The following MAN2B2 variants were observed in gnomAD, a reference collection of about 807,000 sequenced individuals.
The protein encoded by MAN2B2 is epididymis-specific alpha-mannosidase.
Under a neutral mutation model 117.1 loss-of-function variants are expected in MAN2B2, and 106 were observed. That is an observed-to-expected ratio of 0.90 (90% CI 0.77 to 1.06). The LOEUF is 1.06. Among genes scored for constraint, MAN2B2 ranks in the 50% least tolerant of loss-of-function variants. The probability of loss-of-function intolerance (pLI) is 0.00; values close to 1 mark genes in which losing one functional copy is unlikely to be tolerated. For synonymous variants in MAN2B2, 544 were observed against 595.1 expected (o/e 0.91, Z 1.25); for missense variants, 1,326 against 1,381.4 (o/e 0.96, Z 0.64).
In MAN2B2 at chr4:6,582,942, A is replaced by G. The variant is rs138665863; in HGVS notation, c.392-4054A>G. On this transcript the variant is annotated intron_variant, in intron 3 of 18. Transcript: ENST00000285599. Reference sequence around the variant, plus strand: ...GGTTCAGCAGCTTGAACAGAGACCAAGTGACTCCAACAAGAAGGAAGGTGT... The same window carrying G: ...GGTTCAGCAGCTTGAACAGAGACCAGGTGACTCCAACAAGAAGGAAGGTGT... 4.5e-3 allele frequency among the ~76,000 whole-genome samples: 693 copies of G among 152,326 alleles called. 1 individual carries two copies. Among genetic ancestry groups the G allele is most frequent in the Admixed American group, 6.4e-3 (98 of 15,294 alleles).
At chr4:6,576,796 C>A in intron 2 of MAN2B2, 72 bp downstream of exon 2, 1 of 1,567,564 alleles carries the variant, frequency 6.4e-7, no homozygotes, top group South Asian at 1.1e-5. Flanking sequence ...CTCAATGGGG[C>A]AGTTCTAGCC....
At position 6,605,262 on chromosome 4, in the gene MAN2B2, G is replaced by A. The variant is rs1306754474; in HGVS notation, c.1747G>A (p.Val583Met). The A allele has an allele frequency of 1.2e-6, 2 of 1,614,226 alleles. No homozygotes were observed. Among genetic ancestry groups the A allele is most frequent in the South Asian group, 2.2e-5 (2 of 91,092 alleles). ...CCATGCGGGCAGGTACTTGGTGCCT[G>A]TGGCAAACGACTGCTACATTGTGCT... ...TSHAGRYLVP[V>M]ANDCYIVLLD... Residue 583 changes from valine (V) to methionine (M), a missense_variant, in exon 11 of 19, where the codon GTG (valine) becomes ATG (methionine). Transcript: ENST00000285599.
At chr4:6,579,358 CCAT>C (rs1726317852) in intron 3 of MAN2B2, among the ~76,000 whole-genome samples, 8 of 89,642 alleles carry the variant, frequency 8.9e-5, no homozygotes, top group Admixed American at 2.3e-4. Context: ...ATCACCACCA[CCAT>C]CACCATCACC....
At chr4:6,594,006 C>A (rs111858523) in intron 6 of MAN2B2, among the ~76,000 whole-genome samples, 1 of 152,158 alleles carries the variant, frequency 6.6e-6, no homozygotes, top group Non-Finnish European at 1.5e-5. Context: ...CTTCTTCATC[C>A]GTGACTGCCC....
chr4:6,593,341 C>T lies in MAN2B2; in HGVS notation c.849C>T (p.Leu283=), dbSNP rs1726932262. 3 of 1,612,272 alleles carry T rather than the reference C, an allele frequency of 1.9e-6. No individual in the cohort carries two copies. The highest frequency in any genetic ancestry group is 1.7e-5 in the Admixed American group (1 of 59,800). Residue 283 remains leucine (L), a synonymous_variant, in exon 6 of 19, where the codon CTC becomes CTT. Transcript: ENST00000285599. ...CCTGGTTCCGGACACCGCACGTCCT[C>T]TGGCCCTGGGTAAGGCAGAGTCCCA... ...RAAWFRTPHV[L]WPWGCDKQFF... is the part of the protein sequence containing the mutation.
In MAN2B2 at chr4:6,618,599, G is replaced by A. The variant is rs377334378; in HGVS notation, c.2814+1107G>A. On this transcript the variant is annotated intron_variant, in intron 17 of 18. Coordinates refer to ENST00000285599, the MANE Select transcript of MAN2B2 (RefSeq NM_015274.3). The stretch of plus-strand genomic sequence containing the variant: ...CTTCCAGGTTCCCCTCTTGGCTGAT[G>A]TTGCCCTCTCAGCTCTACTATCAGG... 7.2e-5 allele frequency: 11 copies of A among 152,530 alleles called. 1 individual carries two copies. The highest frequency in any genetic ancestry group is 5.8e-4 in the East Asian group (3 of 5,190). 9.4% of individuals were successfully genotyped at this position (152,530 alleles called of 1,614,324 possible).
At chr4:6,583,059 A>G (rs976247364) in intron 3 of MAN2B2, among the ~76,000 whole-genome samples, 11 of 152,180 alleles carry the variant, frequency 7.2e-5, no homozygotes, top group African/African-American at 2.7e-4. Context: ...CGTTGCTTCC[A>G]TCTTGATGTT....
chr4:6,593,803 G>A (rs1337315766), intron 6 of MAN2B2, among the ~76,000 whole-genome samples: 3 of 152,200 alleles, frequency 2.0e-5, no homozygotes, highest in East Asian at 1.9e-4. Context: ...GCACTGCCCC[G>A]TGGGATATAT....
At chr4:6,610,437 G>A (rs1271731770) in intron 13 of MAN2B2, among the ~76,000 whole-genome samples, 1 of 152,218 alleles carries the variant, frequency 6.6e-6, no homozygotes, top group Non-Finnish European at 1.5e-5. Context: ...GATTACAGGT[G>A]TGAGCCACCG....
At chr4:6,600,325 A>G (rs1217830544) in intron 9 of MAN2B2, among the ~76,000 whole-genome samples, 1 of 152,184 alleles carries the variant, frequency 6.6e-6, no homozygotes, top group Non-Finnish European at 1.5e-5. Context: ...CATCAGTAAA[A>G]TGGGCTGACA....
chr4:6,606,626 G>A (rs1177691284), intron 11 of MAN2B2, among the ~76,000 whole-genome samples: 1 of 152,222 alleles, frequency 6.6e-6, no homozygotes. Flanking sequence ...TGTCTCTCTT[G>A]TTTTGAACTC....
chr4:6,607,543 C>T (rs114792928), intron 11 of MAN2B2, among the ~76,000 whole-genome samples: 1,524 of 152,324 alleles, frequency 0.01, 11 homozygotes, highest in Non-Finnish European at 0.017. Flanking sequence ...TCATCAGTAT[C>T]GTAGCACGTA....
chr4:6,592,273 CT>C (rs1726888177), intron 5 of MAN2B2, among the ~76,000 whole-genome samples: 1 of 152,204 alleles, frequency 6.6e-6, no homozygotes, highest in Non-Finnish European at 1.5e-5. Context: ...CCATAAATGA[CT>C]TTCATTTAAT....
chr4:6,589,704 G>C (rs1349499060), intron 5 of MAN2B2, among the ~76,000 whole-genome samples: 1 of 152,202 alleles, frequency 6.6e-6, no homozygotes, highest in Admixed American at 6.5e-5. Context: ...GTAAGTAGGG[G>C]AGGCAGGATT....
chr4:6,579,331 CCACCACCACCATCACCAT>C (rs1726310741), intron 3 of MAN2B2, among the ~76,000 whole-genome samples: 4 of 84,802 alleles, frequency 4.7e-5, no homozygotes, highest in South Asian at 4.7e-4. Flanking sequence ...ACCACCACCA[CCACCACCACCATCACCAT>C]CACCACCACC....
At chr4:6,594,433 G>T in intron 6 of MAN2B2, 101 bp from the exon 7 acceptor site, 1 of 1,246,164 alleles carries the variant, frequency 8.0e-7, no homozygotes, top group Non-Finnish European at 1.1e-6. Context: ...GGCCGCCTTG[G>T]AGACTGGGAG....
At position 6,614,252 on chromosome 4, in the gene MAN2B2, A is replaced by G. The variant is rs1711741714; in HGVS notation, c.2598A>G (p.Gln866=). ...CGAAGCTCCCAGGACCCCAGCAGCAAGAGGCCGTGACGCTGCCCCCGAATC... is the reference window on the plus strand; with the variant it reads ...CGAAGCTCCCAGGACCCCAGCAGCAGGAGGCCGTGACGCTGCCCCCGAATC... The part of the protein sequence containing the change: ...TAPKLPGPQQ[Q]EAVTLPPNLH... Residue 866 remains glutamine, a synonymous_variant, in exon 16 of 19, where the codon CAA becomes CAG. Transcript: ENST00000285599. The G allele has an allele frequency of 1.9e-6, 3 of 1,614,070 alleles. No individual in the cohort carries two copies. The South Asian group carries it at 3.3e-5, about 18-fold the overall frequency.
chr4:6,578,026 G>A (rs547389177), intron 2 of MAN2B2, among the ~76,000 whole-genome samples: 1 of 152,360 alleles, frequency 6.6e-6, no homozygotes, highest in South Asian at 2.1e-4. Context: ...TGTTATGTGT[G>A]TAGAGACGGG....
chr4:6,606,748 T>G (rs1727561199), intron 11 of MAN2B2, among the ~76,000 whole-genome samples: 1 of 151,964 alleles, frequency 6.6e-6, no homozygotes. Context: ...GTATTCAGAG[T>G]AGGGGCCATC....
Sources: allele counts gnomAD v4.1 joint callset (sites outside exome capture counted in the v4.1 genomes callset), GRCh38; gene constraint gnomAD v4.1.1; transcripts MANE v1.5; gene names NCBI Gene and HGNC (gene_info 2026-07-23, HGNC 2026-07-21).